ZNF554: variants seen among roughly 807,000 people sequenced by gnomAD.
The protein encoded by ZNF554 is zinc finger protein 554.
Under a neutral mutation model 21.2 loss-of-function variants are expected in ZNF554, and 15 were observed. That is an observed-to-expected ratio of 0.71 (90% confidence interval 0.47 to 1.09). The LOEUF (loss-of-function observed/expected upper bound fraction) is 1.09. Among genes scored for constraint, ZNF554 ranks in the 50% least tolerant of loss-of-function variants. ZNF554 has a pLI of 0.00. For synonymous variants in ZNF554, 258 were observed against 251.4 expected (o/e 1.03, Z -0.25); for missense variants, 691 against 662.7 (o/e 1.04, Z -0.47).
intron 3 of ZNF554, among the ~76,000 whole-genome samples, chr19:2,828,439 T>C (rs865882089): frequency 7.8e-4 from 119 of 152,266 alleles, no homozygotes; most frequent in African/African-American, 2.6e-3. Context: ...ATGCCTGTTA[T>C]CCAAGCACTT....
At chr19:2,823,151 T>C in intron 2 of ZNF554, 39 bp downstream of exon 2, 1 of 1,586,114 alleles carries the variant, frequency 6.3e-7, no homozygotes, top group Non-Finnish European at 8.6e-7. Flanking sequence ...ACCCAGTATA[T>C]CCAGAGGGAA....
At position 2,821,581 on chromosome 19, in the gene ZNF554, G is replaced by A. The variant is rs1016929676; in HGVS notation, c.53+1457G>A. ...TTCTGGGGGTGGCCTGCCATAGTTG[G>A]TGTCCCTTGGCTTGGGGCCACATCA... On this transcript the variant is annotated intron_variant, in intron 1 of 4. Coordinates refer to ENST00000317243, the MANE Select transcript of ZNF554 (RefSeq NM_001102651.2). The surrounding 1 kb of genome is among the most constrained non-coding windows in gnomAD (Gnocchi z 8.2). Among the ~76,000 whole-genome samples, 1 of 151,932 alleles carries A rather than the reference G, an allele frequency of 6.6e-6. No homozygotes were observed. The highest frequency in any genetic ancestry group is 6.6e-5 in the Admixed American group (1 of 15,264).
At chr19:2,823,189 T>C in intron 2 of ZNF554, 77 bp downstream of exon 2, 1 of 1,423,006 alleles carries the variant, frequency 7.0e-7, no homozygotes, top group Non-Finnish European at 9.7e-7. Context: ...CAGTCCTCGA[T>C]AGAGGAGACC....
chr19:2,827,583 A>C (rs2087352238), intron 2 of ZNF554, 34 bp from the exon 3 acceptor site: 1 of 1,595,858 alleles, frequency 6.3e-7, no homozygotes, highest in African/African-American at 1.3e-5. Context: ...GTGGCGATGG[A>C]CCCATCTTGA....
At chr19:2,822,938 G>T (rs948113052) in intron 1 of ZNF554, 102 bp from the exon 2 acceptor site, 23 of 1,200,416 alleles carry the variant, frequency 1.9e-5, no homozygotes, top group Non-Finnish European at 2.7e-5. Context: ...CTCTGTGTAT[G>T]GGGGGCCCCT....
chr19:2,831,156 C>T (rs987248938), intron 3 of ZNF554: 1 of 152,154 alleles, frequency 6.6e-6, no homozygotes, highest in Non-Finnish European at 1.5e-5. Flanking sequence ...GCAACACTTA[C>T]TATTTTTTAT....
rs2087432403 is a variant in ZNF554 at position 2,832,344 on chromosome 19, G to A, written c.295G>A (p.Gly99Ser). The change falls in exon 4 of 5, where the codon GGT becomes AGT. Residue 99 changes from glycine to serine, a missense_variant. Physicochemically the swap from Gly to Ser is moderately conservative, Grantham distance 56. Transcript: ENST00000317243. The stretch of plus-strand genomic sequence containing the variant: ...ATGTACTGATGTGGGGATTAAAGAG[G>A]GTCCACTTTCCCCAGCACAAACCTC... ...NQCTDVGIKE[G>S]PLSPAQTSQV... The A allele has an allele frequency of 3.1e-6, 5 of 1,612,556 alleles. No individual in the cohort carries two copies. The South Asian group carries it at 4.4e-5, about 14-fold the overall frequency.
chr19:2,829,837 T>C (rs2087389129), intron 3 of ZNF554, among the ~76,000 whole-genome samples: 1 of 152,192 alleles, frequency 6.6e-6, no homozygotes, highest in Middle Eastern at 3.4e-3. Context: ...TCTGTACCCG[T>C]TAAATTCTCC....
In ZNF554 at chr19:2,820,116, A is replaced by T. The variant is rs879476730; in HGVS notation, c.45A>T (p.Ala15=). The T allele has an allele frequency of 1.6e-6, 2 of 1,220,460 alleles. No individual in the cohort carries two copies. The highest frequency in any genetic ancestry group is 2.0e-6 in the Non-Finnish European group (2 of 980,554). The allele number at this position is 1,220,460 out of a possible 1,614,324, so 75.6% of individuals were successfully genotyped here. A position where few individuals can be genotyped will look rare whatever the true frequency, so the allele number is the denominator to read the frequency against. Residue 15 remains alanine (A), a synonymous_variant, in exon 1 of 5, where the codon GCA becomes GCT. Transcript: ENST00000317243. ...AHLGRRARLP[A]AQPSACPGTC... The stretch of plus-strand genomic sequence containing the variant: ...TGGGCCGGCGCGCGCGGCTCCCGGC[A>T]GCTCAGCCGTAAGTGCCGCCGCCTC...
chr19:2,830,331 CT>C (rs1169265903), intron 3 of ZNF554, among the ~76,000 whole-genome samples: 5 of 152,282 alleles, frequency 3.3e-5, no homozygotes, highest in African/African-American at 1.2e-4. Context: ...ACATTGTAGC[CT>C]GTGTCAGTGC....
chr19:2,824,331 A>T (rs967722403), intron 2 of ZNF554, among the ~76,000 whole-genome samples: 2 of 152,160 alleles, frequency 1.3e-5, no homozygotes, highest in Admixed American at 1.3e-4. Context: ...GCCTCTTCTC[A>T]GTTCCCCCAA....
At position 2,833,910 on chromosome 19, in the gene ZNF554, T is replaced by C. The variant is rs1568336752; in HGVS notation, c.675T>C (p.Asn225=). ...KATAWHGFGE[N]GNLSPALVLS... ...CTGCATGGCATGGATTTGGGGAAAA[T>C]GGTAATCTGAGCCCAGCCCTTGTTT... The change falls in exon 5 of 5, where the codon AAT becomes AAC. Residue 225 remains asparagine (N), a synonymous_variant. Transcript: ENST00000317243. The C allele has an allele frequency of 1.9e-6, 3 of 1,613,838 alleles. No homozygotes were observed. The highest frequency in any genetic ancestry group is 2.5e-6 in the Non-Finnish European group (3 of 1,179,910).
intron 1 of ZNF554, among the ~76,000 whole-genome samples, chr19:2,822,277 C>T (rs1308305415): frequency 6.6e-6 from 1 of 152,084 alleles, no homozygotes; most frequent in Admixed American, 6.5e-5. Flanking sequence ...TCTTGAACCC[C>T]TGGGCTCAAG....
rs540396304 is a variant in ZNF554 at position 2,824,750 on chromosome 19, G to A, written c.126+1638G>A. Among the ~76,000 whole-genome samples, 4 of 152,288 alleles carry A rather than the reference G, an allele frequency of 2.6e-5. No homozygotes were observed. The East Asian group carries it at 7.7e-4, about 29-fold the overall frequency. On this transcript the variant is annotated intron_variant, in intron 2 of 4. Coordinates refer to ENST00000317243, the MANE Select transcript of ZNF554 (RefSeq NM_001102651.2). ...ACTTTACCGTCTTAGCCGTTTTCAAGTGCACAGCTCAATGGCATTAAGTTG... is the reference window on the plus strand; with the variant it reads ...ACTTTACCGTCTTAGCCGTTTTCAAATGCACAGCTCAATGGCATTAAGTTG...
chr19:2,831,325 T>TTA (rs1414876516), intron 3 of ZNF554: 2 of 150,244 alleles, frequency 1.3e-5, no homozygotes, highest in Admixed American at 1.3e-4. Context: ...TTTTTTTTTT[T>TTA]ACTCTGTCGC....
rs2087498147 is a variant in ZNF554 at position 2,836,503 on chromosome 19, T to TA, written c.*1657dup. ...CGGAAAGCGCTTTGGAGGTAAAGTT[T>TA]AAAAAATACAAGGGCTTCAAAATAG... On this transcript the variant is annotated 3_prime_UTR_variant, in exon 5 of 5. Coordinates refer to ENST00000317243, the MANE Select transcript of ZNF554 (RefSeq NM_001102651.2). Among the ~76,000 whole-genome samples the TA allele has an allele frequency of 6.6e-6, 1 of 152,184 alleles. No homozygotes were observed. Among genetic ancestry groups the TA allele is most frequent in the South Asian group, 2.1e-4 (1 of 4,834 alleles).
intron 2 of ZNF554, among the ~76,000 whole-genome samples, chr19:2,825,614 G>T (rs907754256): frequency 6.6e-6 from 1 of 152,164 alleles, no homozygotes; most frequent in Non-Finnish European, 1.5e-5. Flanking sequence ...AAAATTTTTT[G>T]TAGAAACTGG....
chr19:2,827,834 A>G, intron 3 of ZNF554, 91 bp downstream of exon 3: 1 of 1,496,234 alleles, frequency 6.7e-7, no homozygotes, highest in South Asian at 1.2e-5. Flanking sequence ...AGAAATACCC[A>G]AGACTGGGTA....
rs747413347 is a variant in ZNF554 at position 2,832,380 on chromosome 19, A to C, written c.331A>C (p.Ser111Arg). 6.2e-7 allele frequency: 1 copy of C among 1,614,072 alleles called. No homozygotes were observed. Among genetic ancestry groups the C allele is most frequent in the Non-Finnish European group, 8.5e-7 (1 of 1,180,032 alleles). The change falls in exon 4 of 5, where the codon AGT (serine) becomes CGT (arginine). Residue 111 changes from serine (S) to arginine (R), a missense_variant. Coordinates refer to ENST00000317243, the MANE Select transcript of ZNF554 (RefSeq NM_001102651.2). ...LSPAQTSQVTSLSSWTGYLLF... is the reference protein window; with the variant it reads ...LSPAQTSQVTRLSSWTGYLLF... ...CCCAGCACAAACCTCACAAGTCACT[A>C]GTCTTTCCTCATGGACGGGGTATTT...
Sources: gnomAD v4.1 joint callset for allele counts (sites outside exome capture counted in the v4.1 genomes callset) on GRCh38, gnomAD v4.1.1 for gene constraint, Gnocchi (gnomAD v3.1) non-coding constraint, MANE v1.5 for transcripts, NCBI Gene and HGNC (gene_info 2026-07-23, HGNC 2026-07-21) for gene names.